Variants in TCP11L2 observed in about 807,000 individuals in gnomAD.
TCP11L2 encodes T-complex protein 11-like protein 2.
Under a neutral mutation model 50.7 loss-of-function variants are expected in TCP11L2, and 39 were observed. That is an observed-to-expected ratio of 0.77 (90% CI 0.60 to 1.01). The LOEUF is 1.01. Ranked by LOEUF, TCP11L2 falls within the 50% of genes least tolerant of loss-of-function variation. The pLI is 0.00. For missense variants in TCP11L2, 612 were observed against 614.7 expected (o/e 1.00, Z 0.05); for synonymous variants, 192 against 219.3 (o/e 0.88, Z 1.10).
chr12:106,337,291 A>G (rs192893583), intron 8 of TCP11L2, among the ~76,000 whole-genome samples: 3 of 152,252 alleles, frequency 2.0e-5, no homozygotes, highest in Admixed American at 2.0e-4. Context: ...AAAGGAGCCC[A>G]TGTAGTTACA....
chr12:106,315,180 G>A (rs1296461749), intron 3 of TCP11L2, among the ~76,000 whole-genome samples: 1 of 151,986 alleles, frequency 6.6e-6, no homozygotes, highest in Admixed American at 6.6e-5. Flanking sequence ...AGGTTTCAGT[G>A]AGCCGAGATC....
intron 1 of TCP11L2, chr12:106,303,936 A>G (rs897427904): frequency 6.6e-6 from 1 of 152,242 alleles, no homozygotes; most frequent in African/African-American, 2.4e-5. Flanking sequence ...AAGAAACTGG[A>G]CAAGTTGTCC....
At chr12:106,298,548 G>A (rs568936767), upstream of TCP11L2, among the ~76,000 whole-genome samples, 282 of 152,182 alleles carry the variant, frequency 1.9e-3, 2 homozygotes, top group African/African-American at 6.4e-3. Context: ...TTGAGACAAA[G>A]TCTCGCTCTG....
chr12:106,343,180 A>G (rs2036139035), intron 9 of TCP11L2, among the ~76,000 whole-genome samples: 1 of 152,210 alleles, frequency 6.6e-6, no homozygotes, highest in Non-Finnish European at 1.5e-5. Context: ...TTTGCCTAAA[A>G]ACAGACTCAT....
At chr12:106,332,844 T>G (rs2035792471) in intron 6 of TCP11L2, among the ~76,000 whole-genome samples, 1 of 152,152 alleles carries the variant, frequency 6.6e-6, no homozygotes, top group African/African-American at 2.4e-5. Flanking sequence ...ACAGTGGAAG[T>G]TAGGGCTTCA....
intron 5 of TCP11L2, among the ~76,000 whole-genome samples, chr12:106,322,310 TG>T (rs1260709002): frequency 9.2e-5 from 14 of 152,246 alleles, no homozygotes; most frequent in African/African-American, 3.1e-4. Context: ...AAAGAGACCA[TG>T]GGGAAGACAT....
intron 2 of TCP11L2, among the ~76,000 whole-genome samples, chr12:106,311,850 C>T (rs1224978184): frequency 6.6e-6 from 1 of 151,384 alleles, no homozygotes; most frequent in Non-Finnish European, 1.5e-5. Context: ...TTAATTGGCA[C>T]TTTATTTAGT....
chr12:106,298,928 C>T (rs142945152), upstream of TCP11L2, among the ~76,000 whole-genome samples: 29 of 152,182 alleles, frequency 1.9e-4, no homozygotes, highest in East Asian at 5.6e-3. Flanking sequence ...AGTGATTCTC[C>T]TGCCTCAGCC....
chr12:106,299,008 G>T (rs1240490854), upstream of TCP11L2, among the ~76,000 whole-genome samples: 1 of 151,858 alleles, frequency 6.6e-6, no homozygotes, highest in Non-Finnish European at 1.5e-5. Context: ...TAGAGACAGG[G>T]TTTCACTATG....
At chr12:106,333,222 G>T (rs1304285357) in intron 6 of TCP11L2, among the ~76,000 whole-genome samples, 2 of 152,234 alleles carry the variant, frequency 1.3e-5, no homozygotes, top group Non-Finnish European at 2.9e-5. Context: ...CTTGGGGGCA[G>T]CTGGGTGAAG....
intron 3 of TCP11L2, 139 bp from the exon 4 acceptor site, chr12:106,318,203 AAT>A (rs1195644115): frequency 1.0e-6 from 1 of 983,272 alleles, no homozygotes; most frequent in African/African-American, 1.7e-5. Context: ...CAACAAGAAA[AAT>A]ATTAAAAGAT....
At position 106,336,081 on chromosome 12, in the gene TCP11L2, A is replaced by G; in HGVS notation, c.1010A>G (p.Asn337Ser). 1.2e-6 allele frequency: 2 copies of G among 1,614,096 alleles called. No homozygotes were observed. The highest frequency in any genetic ancestry group is 1.7e-6 in the Non-Finnish European group (2 of 1,179,984). ...ARLQELTEKL[N>S]QLKIIACLSL... is the part of the protein sequence containing the mutation. ...CTTCAGGAACTAACAGAAAAGCTGA[A>G]TCAATTGAAAATTATTGCCTGCCTG... The change falls in exon 8 of 10, where the codon AAT becomes AGT. Residue 337 changes from asparagine to serine, a missense_variant. By Grantham distance (46) the Asn-to-Ser change is conservative. Coordinates refer to ENST00000299045, the MANE Select transcript of TCP11L2 (RefSeq NM_152772.3).
chr12:106,313,384 C>T (rs1259025132), intron 2 of TCP11L2, among the ~76,000 whole-genome samples: 4 of 152,064 alleles, frequency 2.6e-5, no homozygotes, highest in Non-Finnish European at 5.9e-5. Context: ...AGTTCGAGAC[C>T]AGCCTGGCCA....
upstream of TCP11L2, among the ~76,000 whole-genome samples, chr12:106,300,172 G>GT (rs758382704): frequency 4.7e-3 from 676 of 143,550 alleles, 3 homozygotes; most frequent in Non-Finnish European, 5.9e-3. Flanking sequence ...AGATTTTGTT[G>GT]TTTTTTTTTT....
At chr12:106,343,617 A>G (rs374484867) in intron 9 of TCP11L2, among the ~76,000 whole-genome samples, 1 of 152,030 alleles carries the variant, frequency 6.6e-6, no homozygotes, top group East Asian at 1.9e-4. Context: ...AGTAAAAATT[A>G]TGGATTACCT....
chr12:106,300,603 T>C (rs1490704244), upstream of TCP11L2, among the ~76,000 whole-genome samples: 1 of 152,232 alleles, frequency 6.6e-6, no homozygotes, highest in Admixed American at 6.5e-5. Flanking sequence ...GTGCTTGGAT[T>C]ACAGGCATGA....
At chr12:106,325,920 C>T (rs1414262695) in intron 6 of TCP11L2, 1 of 144,020 alleles carries the variant, frequency 6.9e-6, no homozygotes, top group African/African-American at 2.6e-5. Context: ...AAAACCCACA[C>T]ACACCAGACT....
chr12:106,336,171 T>G lies in TCP11L2; in HGVS notation c.1100T>G (p.Leu367Ter). ...GGCCTGCCTGAGCTTGCAAGCAGGTTAACAAGGATTTCAGCTGTTCTACTT... is the reference window on the plus strand; with the variant it reads ...GGCCTGCCTGAGCTTGCAAGCAGGTGAACAAGGATTTCAGCTGTTCTACTT... ...TGGLPELASR[L>*]TRISAVLLEG... The change falls in exon 8 of 10, where the codon TTA (leucine) becomes TGA (stop). Residue 367 changes from leucine (L) to a stop codon, truncating the protein, a stop_gained. Transcript: ENST00000299045. LOFTEE classifies it high-confidence loss of function. 1.2e-6 allele frequency: 2 copies of G among 1,612,708 alleles called. No individual in the cohort carries two copies. Among genetic ancestry groups the G allele is most frequent in the Non-Finnish European group, 1.7e-6 (2 of 1,179,652 alleles).
chr12:106,330,770 T>C (rs1001907234), intron 6 of TCP11L2, among the ~76,000 whole-genome samples: 17 of 152,228 alleles, frequency 1.1e-4, no homozygotes, highest in Middle Eastern at 3.4e-3. Context: ...TTCTTTCCAT[T>C]GTCTAGAGGG....
Sources: allele counts gnomAD v4.1 joint callset (sites outside exome capture counted in the v4.1 genomes callset), GRCh38; gene constraint gnomAD v4.1.1; transcripts MANE v1.5; gene names NCBI Gene and HGNC (gene_info 2026-07-23, HGNC 2026-07-21).